Variants in PRR5 observed in about 807,000 individuals in gnomAD.
PRR5 encodes proline-rich protein 5.
In PRR5, 25 loss-of-function variants were observed where a neutral mutation model predicts 30.6. The ratio of observed to expected loss-of-function variants is 0.82; its 90% CI spans 0.60 to 1.14. The LOEUF (loss-of-function observed/expected upper bound fraction) is 1.14, where lower values mean the gene tolerates loss of function less well. Ranked by LOEUF, PRR5 falls within the 50% of genes most tolerant of loss-of-function variation. The pLI is 0.00. For synonymous variants in PRR5, 286 were observed against 247.1 expected (o/e 1.16, Z -1.48); for missense variants, 600 against 547.1 (o/e 1.10, Z -0.96).
intron 2 of PRR5, among the ~76,000 whole-genome samples, 186 bp from the exon 3 acceptor site, chr22:44,725,058 C>T (rs41368848): frequency 3.3e-5 from 5 of 152,098 alleles, no homozygotes; most frequent in African/African-American, 1.2e-4. Context: ...CCATGGAGGC[C>T]CCGGTTGTGT....
At chr22:44,734,824 G>A in intron 6 of PRR5, 1 of 677,826 alleles carries the variant, frequency 1.5e-6, no homozygotes, top group Non-Finnish European at 2.5e-6. Flanking sequence ...ACGCTGCTGT[G>A]AGCAGCAGAG....
rs780621389 is a variant in PRR5 at position 44,725,289 on chromosome 22, G to A, written c.261G>A (p.Leu87=). The stretch of plus-strand genomic sequence containing the variant: ...TGGGGTCCTTCTTCACGGAGTACCT[G>A]CAGGTAGGTGGGTCTTGCTCCAGCC... The part of the protein sequence containing the change: ...TELGSFFTEY[L]QNQLLTKGMV... Residue 87 remains leucine (L), a synonymous_variant, in exon 3 of 8, where the codon CTG becomes CTA. Coordinates refer to ENST00000336985, the MANE Select transcript of PRR5 (RefSeq NM_181333.4). 6.2e-7 allele frequency: 1 copy of A among 1,613,450 alleles called. No homozygotes were observed.
At chr22:44,702,730 AC>A in intron 1 of PRR5, 122 bp downstream of exon 1, 1 of 1,210,770 alleles carries the variant, frequency 8.3e-7, no homozygotes. Flanking sequence ...GCGGCGCTTC[AC>A]AGTTTGCAAA....
chr22:44,715,871 C>CTCCTGG (rs1355612187), intron 2 of PRR5, among the ~76,000 whole-genome samples: 1 of 152,186 alleles, frequency 6.6e-6, no homozygotes, highest in East Asian at 1.9e-4. Context: ...TGGTCTCGAA[C>CTCCTGG]TCCTGGGCTC....
intron 1 of PRR5, among the ~76,000 whole-genome samples, chr22:44,690,926 T>C (rs1925183402): frequency 6.6e-6 from 1 of 152,038 alleles, no homozygotes; most frequent in African/African-American, 2.4e-5. Flanking sequence ...GTGCTCAGAC[T>C]GGAGGGTCTT....
intron 1 of PRR5, among the ~76,000 whole-genome samples, chr22:44,710,350 C>G (rs1260551259): frequency 6.6e-6 from 1 of 152,146 alleles, no homozygotes; most frequent in East Asian, 1.9e-4. Context: ...GAGGACTTAC[C>G]CTCCTGGGAT....
chr22:44,726,218 G>A lies in PRR5; in HGVS notation c.265-359G>A, dbSNP rs529922174. 6.6e-5 allele frequency among the ~76,000 whole-genome samples: 10 copies of A among 152,326 alleles called. No individual in the cohort carries two copies. In the Middle Eastern group the frequency reaches 0.014, roughly 207 times the overall value. ...CCCTGAGGTAGGATGGCAGCTGACG[G>A]GCCCGGCCTTTGGTAATCAGAGTCA... On this transcript the variant is annotated intron_variant, in intron 3 of 7. Coordinates refer to ENST00000336985, the MANE Select transcript of PRR5 (RefSeq NM_181333.4).
chr22:44,728,415 A>C (rs743894), intron 4 of PRR5, among the ~76,000 whole-genome samples: 47,892 of 152,090 alleles, frequency 0.31, 8,123 homozygotes, highest in African/African-American at 0.43. Context: ...ATGGAGGAGA[A>C]CCTGGCCCTG....
intron 2 of PRR5, among the ~76,000 whole-genome samples, chr22:44,722,255 C>T (rs1930052915): frequency 6.6e-6 from 1 of 152,242 alleles, no homozygotes; most frequent in South Asian, 2.1e-4. Flanking sequence ...CACTCAGCTG[C>T]GCTGTTAGCC....
intron 2 of PRR5, among the ~76,000 whole-genome samples, chr22:44,714,983 G>A (rs552960234): frequency 1.8e-4 from 27 of 152,376 alleles, no homozygotes; most frequent in Non-Finnish European, 4.4e-5. Flanking sequence ...TGGAGATGAC[G>A]CTGACGGCCC....
intron 4 of PRR5, 148 bp downstream of exon 4, chr22:44,726,782 C>T (rs576509455): frequency 5.5e-5 from 70 of 1,263,194 alleles, no homozygotes; most frequent in Admixed American, 2.0e-4. Flanking sequence ...AGCCTTAGGG[C>T]AGCAGGGCCG....
chr22:44,672,458 C>T (rs1923478408), upstream of PRR5, among the ~76,000 whole-genome samples: 2 of 152,114 alleles, frequency 1.3e-5, no homozygotes, highest in African/African-American at 4.8e-5. Context: ...GTGGCACACA[C>T]CTGTAGTCCC....
At chr22:44,709,548 A>G (rs921819302) in intron 1 of PRR5, among the ~76,000 whole-genome samples, 3 of 152,124 alleles carry the variant, frequency 2.0e-5, no homozygotes, top group Non-Finnish European at 2.9e-5. Flanking sequence ...ATTTTAGTCC[A>G]GGGAAACTGA....
At chr22:44,725,331 A>C (rs1002884500) in intron 3 of PRR5, 39 bp downstream of exon 3, 1 of 1,610,280 alleles carries the variant, frequency 6.2e-7, no homozygotes, top group South Asian at 1.1e-5. Context: ...GGCCTGCCTC[A>C]TGAGCCAGCC....
rs1304609495 is a variant in PRR5, at chr22:44,729,706, C to T, written c.323-2024C>T. ...GGCCCCGGCAGAGAGCCCCAACAGC[C>T]GCGAGGCTGCCCTTCCTGGCCTCTC... On this transcript the variant is annotated intron_variant, in intron 4 of 7. Transcript: ENST00000336985. 8 of 985,360 alleles carry T rather than the reference C, an allele frequency of 8.1e-6. No homozygotes were observed. In the South Asian group the frequency reaches 2.8e-4, roughly 35 times the overall value. The allele number at this position is 985,360 out of a possible 1,614,324, so 61.0% of individuals were successfully genotyped here. A position where few individuals can be genotyped will look rare whatever the true frequency, so the allele number is the denominator to read the frequency against.
At chr22:44,735,211 C>A in intron 7 of PRR5, 49 bp downstream of exon 7, 1 of 1,567,980 alleles carries the variant, frequency 6.4e-7, no homozygotes, top group Non-Finnish European at 8.7e-7. Context: ...ACCACGGGCC[C>A]CATCCATTGT....
At chr22:44,688,858 C>G (rs182974035) in intron 1 of PRR5, among the ~76,000 whole-genome samples, 1 of 152,168 alleles carries the variant, frequency 6.6e-6, no homozygotes, top group South Asian at 2.1e-4. Flanking sequence ...CATGGTGGTG[C>G]ACGCCTGTGA....
At chr22:44,683,538 C>G (rs1290376159) in intron 1 of PRR5, among the ~76,000 whole-genome samples, 2 of 152,368 alleles carry the variant, frequency 1.3e-5, no homozygotes, top group African/African-American at 4.8e-5. Context: ...GGTGGCTGGG[C>G]AAAGCCTTCC....
intron 2 of PRR5, among the ~76,000 whole-genome samples, chr22:44,719,018 A>G (rs1223016433): frequency 1.3e-5 from 2 of 150,510 alleles, no homozygotes; most frequent in Non-Finnish European, 2.9e-5. Flanking sequence ...TTGTCTAGCT[A>G]TTTTCTTGAT....
Sources: gnomAD v4.1 joint callset for allele counts (sites outside exome capture counted in the v4.1 genomes callset) on GRCh38, gnomAD v4.1.1 for gene constraint, MANE v1.5 for transcripts, NCBI Gene and HGNC (gene_info 2026-07-23, HGNC 2026-07-21) for gene names.